TMTC2: variants seen among roughly 807,000 people sequenced by gnomAD.
TMTC2 encodes the protein protein O-mannosyl-transferase TMTC2.
TMTC2 carries 43 observed loss-of-function variants against 82.4 expected under a neutral mutation model. The observed-to-expected ratio is 0.52, with a 90% CI of 0.41 to 0.67. TMTC2 has a LOEUF of 0.67. Ranked by LOEUF, TMTC2 falls within the 30% of genes least tolerant of loss-of-function variation. TMTC2 has a pLI of 0.00. For missense variants in TMTC2, 919 were observed against 1,012.4 expected (o/e 0.91, Z 1.25); for synonymous variants, 408 against 381.9 (o/e 1.07, Z -0.80).
intron 2 of TMTC2, among the ~76,000 whole-genome samples, chr12:82,893,577 A>C (rs1709826314): frequency 6.6e-6 from 1 of 152,140 alleles, no homozygotes; most frequent in African/African-American, 2.4e-5. Context: ...TCCACCGCTT[A>C]AAATTGTCTA....
At chr12:82,704,420 T>C (rs1873243276) in intron 1 of TMTC2, among the ~76,000 whole-genome samples, 2 of 152,116 alleles carry the variant, frequency 1.3e-5, no homozygotes, top group African/African-American at 2.4e-5. Flanking sequence ...TGGAAGCACA[T>C]ATAAAAGTAG....
rs552738833 is a variant in TMTC2, at chr12:82,769,857, G to C, written c.83+82188G>C. On this transcript the variant is annotated intron_variant, in intron 1 of 11. Transcript: ENST00000321196. ...AACTCCTGACCTCAGTGATCCACCTGCCTCGGCCTCCCAAAGTGCTGGGAT... is the reference window on the plus strand; with the variant it reads ...AACTCCTGACCTCAGTGATCCACCTCCCTCGGCCTCCCAAAGTGCTGGGAT... Among the ~76,000 whole-genome samples the C allele has an allele frequency of 1.3e-4, 20 of 152,204 alleles. No individual in the cohort carries two copies. In the East Asian group the frequency reaches 3.7e-3, roughly 28 times the overall value.
At chr12:82,814,479 A>G (rs1326426623) in intron 1 of TMTC2, among the ~76,000 whole-genome samples, 2 of 152,212 alleles carry the variant, frequency 1.3e-5, no homozygotes, top group African/African-American at 4.8e-5. Context: ...ATCAAGTGCC[A>G]TGACAAAATG....
At chr12:82,937,513 T>C (rs1592640703) in intron 4 of TMTC2, among the ~76,000 whole-genome samples, 1 of 144,102 alleles carries the variant, frequency 6.9e-6, no homozygotes, top group South Asian at 2.2e-4. Flanking sequence ...AGTGGAGGTT[T>C]AGGACTTCAA....
intron 1 of TMTC2, among the ~76,000 whole-genome samples, chr12:82,809,734 CAGT>C (rs1879401912): frequency 6.6e-6 from 1 of 152,048 alleles, no homozygotes; most frequent in African/African-American, 2.4e-5. Context: ...GCCTGGAGCA[CAGT>C]AGTTTTGGGA....
At chr12:82,864,808 T>G (rs2137126309) in intron 2 of TMTC2, among the ~76,000 whole-genome samples, 1 of 151,960 alleles carries the variant, frequency 6.6e-6, no homozygotes, top group South Asian at 2.1e-4. Context: ...GCCTACATTT[T>G]TTATCATTAA....
chr12:83,115,338 T>A (rs994282690), intron 11 of TMTC2, among the ~76,000 whole-genome samples: 1 of 152,190 alleles, frequency 6.6e-6, no homozygotes, highest in Non-Finnish European at 1.5e-5. Context: ...AAAGATACTG[T>A]ATGATTTTGT....
intron 1 of TMTC2, among the ~76,000 whole-genome samples, chr12:82,790,566 T>C (rs1211630253): frequency 1.3e-5 from 2 of 152,128 alleles, no homozygotes; most frequent in East Asian, 1.9e-4. Context: ...CGGTGGCTTA[T>C]GCCTGTAATC....
chr12:82,961,983 G>C (rs1157911644), intron 4 of TMTC2, among the ~76,000 whole-genome samples: 2 of 151,920 alleles, frequency 1.3e-5, no homozygotes, highest in Admixed American at 1.3e-4. Context: ...ATTATGTAGA[G>C]GACGATGATA....
intron 1 of TMTC2, among the ~76,000 whole-genome samples, chr12:82,766,983 T>C (rs1877001119): frequency 6.6e-6 from 1 of 152,136 alleles, no homozygotes; most frequent in South Asian, 2.1e-4. Context: ...GTGTGTATTT[T>C]TAGTAGAGAT....
At chr12:82,763,440 A>G (rs1444510780) in intron 1 of TMTC2, among the ~76,000 whole-genome samples, 4 of 152,182 alleles carry the variant, frequency 2.6e-5, no homozygotes, top group Admixed American at 1.3e-4. Context: ...CTTAAAACCA[A>G]CCACCCCAGT....
intron 4 of TMTC2, among the ~76,000 whole-genome samples, chr12:82,963,834 T>TATATATATATTTCTCAC (rs1565830357): frequency 1.9e-5 from 2 of 104,234 alleles, no homozygotes; most frequent in African/African-American, 1.1e-4. Flanking sequence ...TATATATATA[T>TATATATATATTTCTCAC]ATATATATAT....
chr12:82,948,779 A>T (rs1469750397), intron 4 of TMTC2, among the ~76,000 whole-genome samples: 5 of 152,320 alleles, frequency 3.3e-5, no homozygotes, highest in African/African-American at 1.2e-4. Flanking sequence ...CTGTGATGGA[A>T]TCTTGCCGTG....
intron 1 of TMTC2, among the ~76,000 whole-genome samples, chr12:82,733,141 A>G (rs1156691691): frequency 1.3e-5 from 2 of 152,224 alleles, no homozygotes; most frequent in African/African-American, 4.8e-5. Context: ...TTAAGAAAGT[A>G]AGTTGAGTAA....
chr12:82,852,227 G>A (rs1391428244), intron 1 of TMTC2, among the ~76,000 whole-genome samples: 3 of 150,898 alleles, frequency 2.0e-5, no homozygotes, highest in South Asian at 2.1e-4. Context: ...TCAGCCTCCC[G>A]AGTAGCTGGA....
chr12:82,780,938 T>G (rs1877874694), intron 1 of TMTC2, among the ~76,000 whole-genome samples: 1 of 152,100 alleles, frequency 6.6e-6, no homozygotes, highest in Non-Finnish European at 1.5e-5. Context: ...GACAACTTTT[T>G]ATTTTAGAAA....
At chr12:82,942,475 A>G (rs928187387) in intron 4 of TMTC2, among the ~76,000 whole-genome samples, 15 of 152,218 alleles carry the variant, frequency 9.9e-5, no homozygotes, top group Non-Finnish European at 1.9e-4. Context: ...TAGAGTTACT[A>G]TCATATTTTT....
At chr12:82,810,678 G>C (rs544970399) in intron 1 of TMTC2, among the ~76,000 whole-genome samples, 5 of 151,958 alleles carry the variant, frequency 3.3e-5, no homozygotes, top group African/African-American at 7.2e-5. Context: ...ATCTCATCTC[G>C]AATTGTAATC....
chr12:83,109,552 T>C (rs1884530761), intron 11 of TMTC2, among the ~76,000 whole-genome samples: 1 of 152,226 alleles, frequency 6.6e-6, no homozygotes, highest in Admixed American at 6.5e-5. Flanking sequence ...TGGTCTCATT[T>C]CAAACATCCC....
Sources: allele counts gnomAD v4.1 joint callset (sites outside exome capture counted in the v4.1 genomes callset), GRCh38; gene constraint gnomAD v4.1.1; transcripts MANE v1.5; gene names NCBI Gene and HGNC (gene_info 2026-07-23, HGNC 2026-07-21).